The following JAK1 variants were observed in gnomAD, a reference collection of about 807,000 sequenced individuals.
JAK1 encodes the protein Janus kinase 1.
In JAK1, 16 loss-of-function variants were observed where a neutral mutation model predicts 136.6. That is an observed-to-expected ratio of 0.12 (90% confidence interval 0.08 to 0.18). JAK1 has a LOEUF of 0.18. Among genes scored for constraint, JAK1 ranks in the 10% least tolerant of loss-of-function variants. The probability of loss-of-function intolerance (pLI) is 1.00; values close to 1 mark genes in which losing one functional copy is unlikely to be tolerated. For synonymous variants in JAK1, 492 were observed against 519.5 expected (o/e 0.95, Z 0.72); for missense variants, 859 against 1,450.1 (o/e 0.59, Z 6.62).
At chr1:64,966,216 C>T (rs1380487320) in intron 1 of JAK1, 117 bp downstream of exon 1, 4 of 151,832 alleles carry the variant, frequency 2.6e-5, no homozygotes, top group African/African-American at 9.7e-5. Context: ...GCCCGGGCCG[C>T]GCAGCCTAAG....
At chr1:64,869,220 A>C in intron 6 of JAK1, 91 bp downstream of exon 6, 1 of 1,249,062 alleles carries the variant, frequency 8.0e-7, no homozygotes, top group Non-Finnish European at 1.1e-6. Flanking sequence ...AGGTCAGCCA[A>C]ACCCTGGCAG....
intron 1 of JAK1, among the ~76,000 whole-genome samples, chr1:65,054,383 AT>A (rs1250943593): frequency 6.6e-6 from 1 of 152,090 alleles, no homozygotes; most frequent in African/African-American, 2.4e-5. Flanking sequence ...CCACATTTAA[AT>A]GCTGCTTTAG....
intron 2 of JAK1, among the ~76,000 whole-genome samples, chr1:65,017,550 TTTCA>T (rs1315377054): frequency 1.3e-5 from 2 of 152,190 alleles, no homozygotes; most frequent in Non-Finnish European, 2.9e-5. Context: ...ATTATCTATA[TTTCA>T]TTCAACAACT....
chr1:64,849,243 G>A lies in JAK1; in HGVS notation c.1755+1561C>T, dbSNP rs373468226. On this transcript the variant is annotated intron_variant, in intron 12 of 24. Transcript: ENST00000342505. ...TCTCGCTCTAACACCTGGCGGGAGT[G>A]CAGCAGCACAATCATAGCTCACTGC... Among the ~76,000 whole-genome samples the A allele has an allele frequency of 2.3e-4, 35 of 152,176 alleles. 9 individuals carry two copies. The highest frequency in any genetic ancestry group is 3.9e-4 in the Admixed American group (6 of 15,294).
chr1:64,921,124 G>A (rs1645486946), intron 1 of JAK1, among the ~76,000 whole-genome samples: 1 of 152,098 alleles, frequency 6.6e-6, no homozygotes, highest in South Asian at 2.1e-4. Context: ...AAGCGTGCAT[G>A]ACTCACACAT....
chr1:64,851,551 T>C (rs1380196878), intron 11 of JAK1, among the ~76,000 whole-genome samples: 1 of 152,184 alleles, frequency 6.6e-6, no homozygotes, highest in African/African-American at 2.4e-5. Context: ...GAGAGGCGCT[T>C]ACCAAATGCC....
rs760549183 is a variant in JAK1 at position 64,844,244 on chromosome 1, C to T, written c.2252-29G>A. On this transcript the variant is annotated intron_variant, in intron 16 of 24. Transcript: ENST00000342505. This position sits in a 1 kb window ranked among gnomAD's most constrained non-coding sequence, Gnocchi z 5.7. ...GAAGACAACAGACACACTGATGGAG[C>T]AGTTTCTGGGATCTCCTAGGGATTC... 3.1e-6 allele frequency: 5 copies of T among 1,613,772 alleles called. No homozygotes were observed. In the South Asian group the frequency reaches 5.5e-5, roughly 18 times the overall value.
chr1:64,938,536 C>T (rs1452089299), intron 1 of JAK1, among the ~76,000 whole-genome samples: 1 of 152,172 alleles, frequency 6.6e-6, no homozygotes, highest in African/African-American at 2.4e-5. Flanking sequence ...TTGGCTTGGG[C>T]TTAATGGTCA....
chr1:64,839,483 A>G (rs1654751785), intron 20 of JAK1, 120 bp downstream of exon 20: 2 of 815,588 alleles, frequency 2.5e-6, no homozygotes, highest in Admixed American at 2.5e-5. Flanking sequence ...GTGTGTGGGA[A>G]CCACCAGCTA....
intron 7 of JAK1, 83 bp from the exon 8 acceptor site, chr1:64,865,055 ATGCAG>A: frequency 3.6e-6 from 4 of 1,098,890 alleles, no homozygotes; most frequent in Non-Finnish European, 5.3e-6. Flanking sequence ...TGGGAAACCT[ATGCAG>A]GGCCTAGGTC....
intron 7 of JAK1, 79 bp downstream of exon 7, chr1:64,866,787 G>C (rs1656729860): frequency 9.6e-7 from 1 of 1,036,892 alleles, no homozygotes; most frequent in Non-Finnish European, 1.4e-6. Context: ...CATGCAGACA[G>C]ATGACTCCAG....
intron 22 of JAK1, among the ~76,000 whole-genome samples, chr1:64,837,220 A>G (rs1289817296): frequency 6.6e-6 from 1 of 152,186 alleles, no homozygotes; most frequent in Admixed American, 6.5e-5. Context: ...CCATATCTCC[A>G]GTACTGGCAC....
chr1:64,976,572 A>G (rs770517848), intron 2 of JAK1, among the ~76,000 whole-genome samples: 9 of 151,900 alleles, frequency 5.9e-5, no homozygotes, highest in African/African-American at 2.2e-4. Flanking sequence ...CTCTGGGATC[A>G]CTCTCCTACT....
intron 1 of JAK1, chr1:64,918,428 C>T (rs1645436582): frequency 6.6e-6 from 1 of 152,264 alleles, no homozygotes; most frequent in African/African-American, 2.4e-5. Flanking sequence ...AAATCAGATG[C>T]CCTTGCTGAA....
intron 1 of JAK1, among the ~76,000 whole-genome samples, chr1:65,063,156 C>T (rs1055400205): frequency 6.6e-6 from 1 of 152,010 alleles, no homozygotes; most frequent in East Asian, 1.9e-4. Context: ...GGGAGGGGGA[C>T]AGAAAGTAGA....
chr1:65,041,628 G>A (rs575162664), intron 2 of JAK1, among the ~76,000 whole-genome samples: 1 of 152,246 alleles, frequency 6.6e-6, no homozygotes, highest in South Asian at 2.1e-4. Context: ...ACCATGGGGC[G>A]CTAGTTTCCA....
intron 1 of JAK1, among the ~76,000 whole-genome samples, chr1:64,958,706 T>G (rs1569736501): frequency 6.6e-6 from 1 of 152,336 alleles, no homozygotes; most frequent in East Asian, 1.9e-4. Flanking sequence ...TAGTACAATA[T>G]AAACATTATT....
intron 2 of JAK1, among the ~76,000 whole-genome samples, chr1:65,020,122 G>A (rs1190029399): frequency 6.6e-6 from 1 of 151,106 alleles, no homozygotes. Context: ...CTACATGGGA[G>A]GCTGAAGCAG....
At chr1:64,864,995 C>A (rs779035985) in intron 7 of JAK1, 23 bp from the exon 8 acceptor site, 1 of 1,589,422 alleles carries the variant, frequency 6.3e-7, no homozygotes, top group Non-Finnish European at 8.6e-7. Flanking sequence ...ATAAAAGGGA[C>A]AGGGTTAAGT....
Sources: allele counts gnomAD v4.1 joint callset (sites outside exome capture counted in the v4.1 genomes callset), GRCh38; gene constraint gnomAD v4.1.1; non-coding constraint Gnocchi (gnomAD v3.1); transcripts MANE v1.5; gene names NCBI Gene and HGNC (gene_info 2026-07-23, HGNC 2026-07-21).